The following FAT2 variants were observed in gnomAD, a reference collection of about 807,000 sequenced individuals.
FAT2 encodes protocadherin Fat 2.
A neutral mutation model predicts 295.3 loss-of-function variants in FAT2; 150 were observed. That is an observed-to-expected ratio of 0.51 (90% confidence interval 0.44 to 0.58). The LOEUF (loss-of-function observed/expected upper bound fraction) is 0.58, where lower values mean the gene tolerates loss of function less well. FAT2 is among the 20% of genes least tolerant of loss of function. The probability of loss-of-function intolerance (pLI) is 0.00; values close to 1 mark genes in which losing one functional copy is unlikely to be tolerated. For synonymous variants in FAT2, 2,026 were observed against 2,150.3 expected (o/e 0.94, Z 1.60); for missense variants, 4,868 against 5,442.7 (o/e 0.89, Z 3.32).
In FAT2 at chr5:151,554,671, C is replaced by T. The variant is rs763454446; in HGVS notation, c.3636G>A (p.Val1212=). 9 of 1,608,960 alleles carry T rather than the reference C, an allele frequency of 5.6e-6. No homozygotes were observed. The highest frequency in any genetic ancestry group is 7.6e-6 in the Non-Finnish European group (9 of 1,177,394). Residue 1212 remains valine (V), a splice_region_variant and synonymous_variant, in exon 5 of 24, where the codon GTG becomes GTA. Coordinates refer to ENST00000261800, the MANE Select transcript of FAT2 (RefSeq NM_001447.3). The part of the protein sequence containing the change: ...RENKDEHILE[V]TVLDNGEPSL... ...AGGGTTCCCCATTGTCCAGCACAGT[C>T]ACCTGGGAGCAGAATTGAGCATGAG...
rs1177884350 is a variant in FAT2, at chr5:151,537,317, A to AAG, written c.9193+474_9193+475dup. 2.5e-3 allele frequency among the ~76,000 whole-genome samples: 231 copies of AAG among 93,332 alleles called. 1 individual carries two copies. Among genetic ancestry groups the AAG allele is most frequent in the African/African-American group, 0.012 (207 of 17,194 alleles). 61.2% of individuals were successfully genotyped at this position (93,332 alleles called of 152,430 possible). On this transcript the variant is annotated intron_variant, in intron 12 of 23. Transcript: ENST00000261800. Reference sequence around the variant, plus strand: ...AGGAGGGAGAGAGGGAAGAAAAAGAAAGAGAAAAAAAGAAAGAAAAGAAAA... The same window carrying AAG: ...AGGAGGGAGAGAGGGAAGAAAAAGAAAGAGAGAAAAAAAGAAAGAAAAGAAAA...
chr5:151,525,798 C>T lies in FAT2; in HGVS notation c.10476G>A (p.Arg3492=). 1 of 1,614,148 alleles carries T rather than the reference C, an allele frequency of 6.2e-7. No individual in the cohort carries two copies. Among genetic ancestry groups the T allele is most frequent in the Non-Finnish European group, 8.5e-7 (1 of 1,180,032 alleles). ...TCTGAAGCTGATACCATTCCTGAGC[C>T]CTCCTGCTTAGGCCCTCAGCAGTCA... ...WLVTAEGLSR[R]AQEWYQLQIQ... Residue 3492 remains arginine (R), a synonymous_variant, in exon 18 of 24, where the codon AGG becomes AGA. Transcript: ENST00000261800.
At chr5:151,511,603 G>A (rs1451907792) in intron 21 of FAT2, 4 of 155,456 alleles carry the variant, frequency 2.6e-5, no homozygotes, top group African/African-American at 9.7e-5. Flanking sequence ...AAATGTGAGT[G>A]CGTGTACATC....
rs777086514 is a variant in FAT2, at chr5:151,544,250, G to T, written c.6877C>A (p.Gln2293Lys). The T allele has an allele frequency of 1.9e-6, 3 of 1,614,174 alleles. No individual in the cohort carries two copies. In the South Asian group the frequency reaches 3.3e-5, roughly 18 times the overall value. Residue 2293 changes from glutamine (Q) to lysine (K), a missense_variant, in exon 10 of 24, where the codon CAA becomes AAA. Gln to Lys is a moderately conservative substitution (Grantham distance 53). Transcript: ENST00000261800. ...EGLPAQTPVI[Q>K]LLASDQDSGR... ...GAGTCCTGGTCAGAAGCCAACAGTTGGATCACAGGGGTCTGAGCAGGCAAG... is the reference window on the plus strand; with the variant it reads ...GAGTCCTGGTCAGAAGCCAACAGTTTGATCACAGGGGTCTGAGCAGGCAAG...
intron 1 of FAT2, among the ~76,000 whole-genome samples, chr5:151,586,319 C>G (rs925890603): frequency 6.6e-6 from 1 of 152,226 alleles, no homozygotes; most frequent in Non-Finnish European, 1.5e-5. Flanking sequence ...TCTGTGAGCT[C>G]CCTGCCCCCA....
rs568531046 is a variant in FAT2, at chr5:151,535,095, C to T, written c.9194-453G>A. 1.3e-4 allele frequency among the ~76,000 whole-genome samples: 19 copies of T among 150,780 alleles called. No homozygotes were observed. In the East Asian group the frequency reaches 3.7e-3, roughly 30 times the overall value. On this transcript the variant is annotated intron_variant, in intron 12 of 23. Coordinates refer to ENST00000261800, the MANE Select transcript of FAT2 (RefSeq NM_001447.3). Reference sequence around the variant, plus strand: ...TATAATAGCAACTATTGAAATCATCCTATATGTCTTTCAAAAAGGGACTGG... The same window carrying T: ...TATAATAGCAACTATTGAAATCATCTTATATGTCTTTCAAAAAGGGACTGG...
chr5:151,561,104 G>A (rs962540088), intron 3 of FAT2, among the ~76,000 whole-genome samples: 1 of 152,242 alleles, frequency 6.6e-6, no homozygotes, highest in African/African-American at 2.4e-5. Flanking sequence ...GGAGTAGGTG[G>A]TGCTGGAAAG....
chr5:151,559,382 T>C lies in FAT2; in HGVS notation c.3575-2980A>G, dbSNP rs183999831. Among the ~76,000 whole-genome samples the C allele has an allele frequency of 1.4e-3, 219 of 151,746 alleles. 2 individuals are homozygous for C. The highest frequency in any genetic ancestry group is 5.0e-3 in the African/African-American group (208 of 41,338). ...GACACACTCCTGTAGGACAGGAGGG[T>C]CTGGATACTGTCCCAGCTTGGCCCC... On this transcript the variant is annotated intron_variant, in intron 3 of 23. Transcript: ENST00000261800.
rs748943533 is a variant in FAT2, at chr5:151,554,383, A to G, written c.3924T>C (p.Ala1308=). 3 of 1,614,116 alleles carry G rather than the reference A, an allele frequency of 1.9e-6. No homozygotes were observed. Among genetic ancestry groups the G allele is most frequent in the East Asian group, 4.5e-5 (2 of 44,882 alleles). ...TCACCGTTAGGATGTTGTACTCTCC[A>G]GCTGTAAAAGTGCTGCTGGATGAAA... The part of the protein sequence containing the change: ...GVVSSSSTFT[A]GEYNILTIKA... The change falls in exon 5 of 24, where the codon GCT becomes GCC. Residue 1308 remains alanine (A), a synonymous_variant. Coordinates refer to ENST00000261800, the MANE Select transcript of FAT2 (RefSeq NM_001447.3).
In FAT2 at chr5:151,545,498, A is replaced by G. The variant is rs144352685; in HGVS notation, c.5629T>C (p.Tyr1877His). Residue 1877 changes from tyrosine to histidine, a missense_variant, in exon 10 of 24, where the codon TAT (tyrosine) becomes CAT (histidine). By Grantham distance (83) the Tyr-to-His change is moderately conservative. Around this residue, in one of 5 missense-constraint regions of FAT2, gnomAD observed 3,297 missense variants for 3,669.4 expected, o/e 0.90. Coordinates refer to ENST00000261800, the MANE Select transcript of FAT2 (RefSeq NM_001447.3). ...ATAGGCCCGACTATTGCTACCTCATATATCTGTTCTGAGAATCTGGGAGGG... is the reference window on the plus strand; with the variant it reads ...ATAGGCCCGACTATTGCTACCTCATGTATCTGTTCTGAGAATCTGGGAGGG... Reference protein sequence around the residue: ...DSPPRFSEQIYEVAIVGPIHP... With the variant: ...DSPPRFSEQIHEVAIVGPIHP... The G allele has an allele frequency of 3.9e-4, 628 of 1,614,130 alleles. No individual in the cohort carries two copies. The highest frequency in any genetic ancestry group is 4.6e-4 in the Non-Finnish European group (546 of 1,180,016).
At chr5:151,573,002 T>C (rs1023910538) in intron 1 of FAT2, among the ~76,000 whole-genome samples, 7 of 152,256 alleles carry the variant, frequency 4.6e-5, no homozygotes, top group Non-Finnish European at 8.8e-5. Flanking sequence ...CAGTAGTCAA[T>C]TTTTTGAATA....
At position 151,568,343 on chromosome 5, in the gene FAT2, G is replaced by A. The variant is rs764916750; in HGVS notation, c.589C>T (p.His197Tyr). ...FNTRSEMFAIHPTSGVVTVAG... is the reference protein window; with the variant it reads ...FNTRSEMFAIYPTSGVVTVAG... ...ACAGTGACCACACCGCTGGTGGGAT[G>A]GATGGCAAACATCTCTGACCTTGTG... The change falls in exon 2 of 24, where the codon CAT (histidine) becomes TAT (tyrosine). Residue 197 changes from histidine to tyrosine, a missense_variant. Physicochemically the swap from His to Tyr is moderately conservative, Grantham distance 83. Coordinates refer to ENST00000261800, the MANE Select transcript of FAT2 (RefSeq NM_001447.3). 1.9e-6 allele frequency: 3 copies of A among 1,614,042 alleles called. No individual in the cohort carries two copies. In the African/African-American group the frequency reaches 4.0e-5, roughly 22 times the overall value.
At chr5:151,583,439 A>G (rs540728014) in intron 1 of FAT2, among the ~76,000 whole-genome samples, 1 of 152,230 alleles carries the variant, frequency 6.6e-6, no homozygotes. Context: ...AAGAAGTCAT[A>G]TATTAAAAAG....
chr5:151,519,938 C>T (rs966602661), intron 19 of FAT2, among the ~76,000 whole-genome samples: 5 of 152,162 alleles, frequency 3.3e-5, no homozygotes, highest in Middle Eastern at 3.2e-3. Context: ...TTTAAAATCA[C>T]GCTCTCCAGT....
intron 13 of FAT2, among the ~76,000 whole-genome samples, chr5:151,533,860 G>A (rs1465992745): frequency 6.6e-6 from 1 of 151,742 alleles, no homozygotes; most frequent in Non-Finnish European, 1.5e-5. Flanking sequence ...AGCTATAATT[G>A]GTACAATATG....
At chr5:151,524,149 A>G (rs1401332426) in intron 18 of FAT2, among the ~76,000 whole-genome samples, 1 of 152,086 alleles carries the variant, frequency 6.6e-6, no homozygotes, top group Non-Finnish European at 1.5e-5. Flanking sequence ...CACAAAGAGG[A>G]TCCCTTTTCC....
Position 151,566,111 on chromosome 5 carries a change from C to T in FAT2, c.2821G>A (p.Gly941Arg), listed in dbSNP as rs779327285. 1.4e-5 allele frequency: 23 copies of T among 1,613,912 alleles called. No homozygotes were observed. The highest frequency in any genetic ancestry group is 5.0e-5 in the Admixed American group (3 of 60,004). The change falls in exon 2 of 24, where the codon GGG becomes AGG. Residue 941 changes from glycine to arginine, a missense_variant. Gly to Arg is a moderately radical substitution (Grantham distance 125). Transcript: ENST00000261800. ...RLKVPEDLPP[G>R]TVLTFLDASD... ...GCATCCAGAAATGTCAAGACAGTCCCGGGGGGCAGGTCCTCTGGAACCTTC... is the reference window on the plus strand; with the variant it reads ...GCATCCAGAAATGTCAAGACAGTCCTGGGGGGCAGGTCCTCTGGAACCTTC...
chr5:151,588,812 G>A (rs914887956), intron 1 of FAT2, among the ~76,000 whole-genome samples: 2 of 152,132 alleles, frequency 1.3e-5, no homozygotes, highest in African/African-American at 4.8e-5. Flanking sequence ...ATTATTTGAT[G>A]ACTGTGAACA....
intron 20 of FAT2, among the ~76,000 whole-genome samples, chr5:151,514,554 G>A (rs1207611466): frequency 2.0e-5 from 3 of 152,210 alleles, no homozygotes; most frequent in African/African-American, 7.2e-5. Flanking sequence ...TTGCTCACGA[G>A]CCTCTCTTTA....
Sources: gnomAD v4.1 joint callset for allele counts (sites outside exome capture counted in the v4.1 genomes callset) on GRCh38, gnomAD v4.1.1 for gene constraint, gnomAD v4.1.1 regional missense constraint, MANE v1.5 for transcripts, NCBI Gene and HGNC (gene_info 2026-07-23, HGNC 2026-07-21) for gene names.